MFHAS1: variants seen among roughly 807,000 people sequenced by gnomAD.
MFHAS1 encodes the protein multifunctional ROCO family signaling regulator 1.
Under a neutral mutation model 70.4 loss-of-function variants are expected in MFHAS1, and 50 were observed. The observed-to-expected ratio is 0.71, with a 90% CI of 0.57 to 0.90. The LOEUF is 0.90. MFHAS1 is among the 40% of genes least tolerant of loss of function. MFHAS1 has a pLI of 0.00. For missense variants in MFHAS1, 1,795 were observed against 1,347.6 expected, an observed-to-expected ratio of 1.33 and a Z score of -5.20; for synonymous variants, 952 against 620.0, an observed-to-expected ratio of 1.54 and a Z score of -7.96.
intron 1 of MFHAS1, among the ~76,000 whole-genome samples, chr8:8,884,379 G>C (rs1046861932): frequency 9.2e-5 from 14 of 152,110 alleles, no homozygotes; most frequent in Non-Finnish European, 1.8e-4. Flanking sequence ...TAACCAAAGA[G>C]ATATTGAAAA....
At chr8:8,841,137 T>C (rs1019602393) in intron 1 of MFHAS1, among the ~76,000 whole-genome samples, 2 of 152,230 alleles carry the variant, frequency 1.3e-5, no homozygotes, top group African/African-American at 4.8e-5. Context: ...TTCCTTAAGA[T>C]ATTCTTCATG....
intron 1 of MFHAS1, among the ~76,000 whole-genome samples, chr8:8,878,640 C>T (rs945053138): frequency 2.7e-5 from 4 of 148,830 alleles, no homozygotes; most frequent in Non-Finnish European, 4.4e-5. Flanking sequence ...CTTTCCATTG[C>T]GTTTTTAAAA....
Position 8,890,493 on chromosome 8 carries a change from T to C in MFHAS1, c.2566A>G (p.Asn856Asp), listed in dbSNP as rs749465145. 3.2e-5 allele frequency: 52 copies of C among 1,613,720 alleles called. No homozygotes were observed. The South Asian group carries it at 5.3e-4, about 16-fold the overall frequency. The part of the protein sequence containing the change: ...AWYKFPCYVQ[N>D]EVPHAEAWIN... ...CAGGCTTCTGCATGGGGCACCTCGT[T>C]CTGCACATAGCATGGGAACTTGTAC... is the stretch of plus-strand genomic sequence containing the variant. The change falls in exon 1 of 3, where the codon AAC (asparagine) becomes GAC (aspartate). Residue 856 changes from asparagine to aspartate, a missense_variant. Asn to Asp is a conservative substitution (Grantham distance 23). Transcript: ENST00000276282.
intron 1 of MFHAS1, among the ~76,000 whole-genome samples, chr8:8,822,635 G>C (rs1019267223): frequency 6.7e-6 from 1 of 149,722 alleles, no homozygotes; most frequent in Non-Finnish European, 1.5e-5. Context: ...CAGGGGGACT[G>C]AGATGGAGAC....
intron 1 of MFHAS1, among the ~76,000 whole-genome samples, chr8:8,887,588 T>A (rs1438780112): frequency 6.7e-6 from 1 of 150,308 alleles, no homozygotes; most frequent in African/African-American, 2.4e-5. Flanking sequence ...TATGTATATG[T>A]ATATATTTTA....
At chr8:8,825,356 A>T (rs945191279) in intron 1 of MFHAS1, among the ~76,000 whole-genome samples, 1 of 152,212 alleles carries the variant, frequency 6.6e-6, no homozygotes, top group African/African-American at 2.4e-5. Context: ...TGTTTGTAGC[A>T]GAGACAGAGT....
intron 2 of MFHAS1, among the ~76,000 whole-genome samples, chr8:8,796,163 C>T (rs965748749): frequency 6.6e-6 from 1 of 152,092 alleles, no homozygotes; most frequent in Non-Finnish European, 1.5e-5. Flanking sequence ...TAGTAGTAAC[C>T]CAATGTTCTA....
intron 2 of MFHAS1, among the ~76,000 whole-genome samples, chr8:8,791,260 G>A (rs541774648): frequency 4.1e-4 from 63 of 152,040 alleles, no homozygotes; most frequent in African/African-American, 1.5e-3. Context: ...CGCTGCAGGA[G>A]AAACGTCAAC....
chr8:8,791,212 C>T (rs916638669), intron 2 of MFHAS1, among the ~76,000 whole-genome samples: 2 of 151,154 alleles, frequency 1.3e-5, no homozygotes, highest in African/African-American at 4.9e-5. Flanking sequence ...AGAACTCCCA[C>T]CATTCCCCAC....
intron 2 of MFHAS1, 58 bp from the exon 3 acceptor site, chr8:8,786,113 A>G (rs1239449337): frequency 2.1e-6 from 3 of 1,437,660 alleles, no homozygotes; most frequent in African/African-American, 2.8e-5. Flanking sequence ...GGACAATGCT[A>G]CCCTCAATAA....
intron 2 of MFHAS1, among the ~76,000 whole-genome samples, chr8:8,795,197 C>A (rs138598473): frequency 2.6e-5 from 4 of 151,394 alleles, no homozygotes; most frequent in Non-Finnish European, 4.4e-5. Context: ...TAAGAACTTG[C>A]GGGGTATTAA....
At chr8:8,802,482 G>A (rs1465659798) in intron 1 of MFHAS1, among the ~76,000 whole-genome samples, 1 of 152,166 alleles carries the variant, frequency 6.6e-6, no homozygotes, top group Non-Finnish European at 1.5e-5. Flanking sequence ...GTGAGGACAT[G>A]GCGAGAAGAC....
rs759486124 is a variant in MFHAS1, at chr8:8,891,729, C to T, written c.1330G>A (p.Glu444Lys). 5.0e-6 allele frequency: 8 copies of T among 1,613,312 alleles called. No homozygotes were observed. Among genetic ancestry groups the T allele is most frequent in the African/African-American group, 2.7e-5 (2 of 74,922 alleles). ...GGAGGTGACGGTGGGTAGCACTTCTCCTTGTCCCCTCCTCCTGGGCATCCC... is the reference window on the plus strand; with the variant it reads ...GGAGGTGACGGTGGGTAGCACTTCTTCTTGTCCCCTCCTCCTGGGCATCCC... The part of the protein sequence containing the change: ...VEGCPGGGDK[E>K]KCYPPSPPPV... Residue 444 changes from glutamate to lysine, a missense_variant, in exon 1 of 3, where the codon GAG becomes AAG. By Grantham distance (56) the Glu-to-Lys change is moderately conservative (BLOSUM62 1). Transcript: ENST00000276282. The surrounding 1 kb of genome is among the most constrained non-coding windows in gnomAD (Gnocchi z 5.4).
intron 1 of MFHAS1, among the ~76,000 whole-genome samples, chr8:8,843,320 A>G (rs980744074): frequency 6.6e-5 from 10 of 151,802 alleles, no homozygotes; most frequent in Non-Finnish European, 1.0e-4. Flanking sequence ...GCTGTGACTC[A>G]CACCTGTAAT....
At chr8:8,802,235 A>G (rs1806105822) in intron 1 of MFHAS1, among the ~76,000 whole-genome samples, 1 of 152,196 alleles carries the variant, frequency 6.6e-6, no homozygotes, top group South Asian at 2.1e-4. Context: ...GTAGTTTGCC[A>G]ATGGTCACAG....
intron 1 of MFHAS1, among the ~76,000 whole-genome samples, chr8:8,824,359 C>T (rs576685738): frequency 6.6e-6 from 1 of 152,174 alleles, no homozygotes; most frequent in Admixed American, 6.5e-5. Flanking sequence ...AGTCCTTACC[C>T]ACTCCAGCAC....
At chr8:8,858,720 G>A (rs931781552) in intron 1 of MFHAS1, among the ~76,000 whole-genome samples, 1 of 151,976 alleles carries the variant, frequency 6.6e-6, no homozygotes, top group South Asian at 2.1e-4. Flanking sequence ...GTTGGCCCTC[G>A]GGACCTGCAT....
intron 1 of MFHAS1, among the ~76,000 whole-genome samples, chr8:8,847,096 G>C (rs1231130701): frequency 1.3e-5 from 2 of 152,208 alleles, no homozygotes; most frequent in Non-Finnish European, 2.9e-5. Context: ...TCACCAAAAT[G>C]AGGCTAACAC....
At chr8:8,819,770 C>G (rs1374247438) in intron 1 of MFHAS1, among the ~76,000 whole-genome samples, 1 of 152,136 alleles carries the variant, frequency 6.6e-6, no homozygotes, top group Non-Finnish European at 1.5e-5. Context: ...ATGATCACAG[C>G]TCATTGCAGC....
Sources: allele counts gnomAD v4.1 joint callset (sites outside exome capture counted in the v4.1 genomes callset), GRCh38; gene constraint gnomAD v4.1.1; non-coding constraint Gnocchi (gnomAD v3.1); transcripts MANE v1.5; gene names NCBI Gene and HGNC (gene_info 2026-07-23, HGNC 2026-07-21).